UBE2H: variants seen among roughly 807,000 people sequenced by gnomAD.
UBE2H encodes ubiquitin conjugating enzyme E2 H.
UBE2H carries 3 observed loss-of-function variants against 29.0 expected under a neutral mutation model. That is an observed-to-expected ratio of 0.10 (90% CI 0.05 to 0.27). The LOEUF (loss-of-function observed/expected upper bound fraction) is 0.27. UBE2H is among the 10% of genes least tolerant of loss of function. UBE2H has a pLI of 1.00. For synonymous variants in UBE2H, 69 were observed against 82.9 expected, an observed-to-expected ratio of 0.83 and a Z score of 0.91; for missense variants, 68 against 228.2, an observed-to-expected ratio of 0.30 and a Z score of 4.52.
chr7:129,912,465 C>T (rs149336684), intron 1 of UBE2H, among the ~76,000 whole-genome samples: 59 of 152,280 alleles, frequency 3.9e-4, no homozygotes, highest in African/African-American at 1.4e-3. Context: ...ATCCTCCCAC[C>T]TCAGCCTCCC....
chr7:129,896,038 T>C (rs1806593631), intron 1 of UBE2H, among the ~76,000 whole-genome samples: 1 of 152,062 alleles, frequency 6.6e-6, no homozygotes, highest in Non-Finnish European at 1.5e-5. Context: ...AAGTTTCCAG[T>C]GTTCTTTGAA....
In UBE2H at chr7:129,894,548, C is replaced by A. The variant is rs1321865392; in HGVS notation, c.54-13577G>T. Among the ~76,000 whole-genome samples the A allele has an allele frequency of 2.1e-5, 3 of 142,172 alleles. No homozygotes were observed. In the East Asian group the frequency reaches 6.3e-4, roughly 30 times the overall value. 93.3% of individuals were successfully genotyped at this position (142,172 alleles called of 152,430 possible). A position where few individuals can be genotyped will look rare whatever the true frequency, so the allele number is the denominator to read the frequency against. The stretch of plus-strand genomic sequence containing the variant: ...TGTTGCCCAAGCTGGAGTGCAATGG[C>A]ATGATCTTGGCCCACTGCAACCTCC... On this transcript the variant is annotated intron_variant, in intron 1 of 6. Transcript: ENST00000355621.
chr7:129,918,185 A>C (rs927131872), intron 1 of UBE2H, among the ~76,000 whole-genome samples: 1 of 152,174 alleles, frequency 6.6e-6, no homozygotes, highest in Non-Finnish European at 1.5e-5. Context: ...GCAATCTCTC[A>C]TATCATCACC....
intron 1 of UBE2H, among the ~76,000 whole-genome samples, chr7:129,909,451 TC>T (rs1189778910): frequency 6.6e-6 from 1 of 152,170 alleles, no homozygotes; most frequent in Non-Finnish European, 1.5e-5. Flanking sequence ...AGGGGACGGT[TC>T]AGAGCCCCAG....
chr7:129,914,744 A>C (rs981477600), intron 1 of UBE2H, among the ~76,000 whole-genome samples: 1 of 152,222 alleles, frequency 6.6e-6, no homozygotes, highest in Non-Finnish European at 1.5e-5. Flanking sequence ...GGGAATTATC[A>C]GTACCATAAT....
chr7:129,837,317 C>A (rs1409409242), intron 6 of UBE2H, among the ~76,000 whole-genome samples: 1 of 152,080 alleles, frequency 6.6e-6, no homozygotes, highest in Non-Finnish European at 1.5e-5. Context: ...AAGTGAATGA[C>A]CACATTTAGG....
chr7:129,882,367 TACAAA>T (rs1488061413), intron 1 of UBE2H, among the ~76,000 whole-genome samples: 1 of 152,166 alleles, frequency 6.6e-6, no homozygotes, highest in Non-Finnish European at 1.5e-5. Flanking sequence ...ATACTGTTAA[TACAAA>T]ACAGAAACAT....
intron 3 of UBE2H, among the ~76,000 whole-genome samples, chr7:129,868,978 C>T (rs1805974464): frequency 6.6e-6 from 1 of 150,608 alleles, no homozygotes; most frequent in South Asian, 2.1e-4. Flanking sequence ...TTCTTGTTGC[C>T]CAGGCTGGAG....
chr7:129,853,597 A>G (rs1221439725), intron 5 of UBE2H, among the ~76,000 whole-genome samples: 1 of 152,240 alleles, frequency 6.6e-6, no homozygotes, highest in Non-Finnish European at 1.5e-5. Flanking sequence ...GTTAAATAAT[A>G]CAAAATTAAA....
intron 5 of UBE2H, among the ~76,000 whole-genome samples, chr7:129,844,594 A>C (rs1442635922): frequency 6.6e-6 from 1 of 152,176 alleles, no homozygotes; most frequent in Non-Finnish European, 1.5e-5. Flanking sequence ...GATACAGTTG[A>C]CCTAAACCTG....
At position 129,952,678 on chromosome 7, in the gene UBE2H, C is replaced by A; in HGVS notation, c.-123G>T. 8.6e-7 allele frequency: 1 copy of A among 1,159,078 alleles called. No homozygotes were observed. The highest frequency in any genetic ancestry group is 1.1e-6 in the Non-Finnish European group (1 of 877,392). The allele number at this position is 1,159,078 out of a possible 1,614,324, so 71.8% of individuals were successfully genotyped here. ...GGTGGCAACACCCCCGCGGTCCCGG[C>A]GGTCCCGTCAGCCGCCGCCGCCGCC... On this transcript the variant is annotated 5_prime_UTR_variant, in exon 1 of 7. Transcript: ENST00000355621.
At chr7:129,906,601 T>C (rs1806822836) in intron 1 of UBE2H, among the ~76,000 whole-genome samples, 1 of 152,210 alleles carries the variant, frequency 6.6e-6, no homozygotes, top group South Asian at 2.1e-4. Context: ...TAGGTTATCA[T>C]TTAATGTCTG....
intron 3 of UBE2H, 29 bp from the exon 4 acceptor site, chr7:129,858,970 A>G: frequency 6.3e-7 from 1 of 1,579,846 alleles, no homozygotes; most frequent in Non-Finnish European, 8.7e-7. Flanking sequence ...ATTAGCAGCA[A>G]AAAGTATCCA....
At chr7:129,861,836 C>A (rs1484555093) in intron 3 of UBE2H, among the ~76,000 whole-genome samples, 2 of 152,044 alleles carry the variant, frequency 1.3e-5, no homozygotes, top group East Asian at 3.9e-4. Flanking sequence ...TGCAGTGAGC[C>A]GAGATCATGC....
In UBE2H at chr7:129,952,467, C is replaced by CCA. The variant is rs774244614; in HGVS notation, c.53+34_53+35dup. On this transcript the variant is annotated intron_variant, in intron 1 of 6. Coordinates refer to ENST00000355621, the MANE Select transcript of UBE2H (RefSeq NM_003344.4). ...GCCCTGGGCATCCCCACACCGCCCC[C>CCA]CACACACAGCCCGAATTCCCCTCCA... is the stretch of plus-strand genomic sequence containing the variant. 7.4e-5 allele frequency: 119 copies of CCA among 1,607,712 alleles called. 2 individuals are homozygous for CCA. The highest frequency in any genetic ancestry group is 3.3e-4 in the Middle Eastern group (2 of 6,068).
intron 6 of UBE2H, 108 bp downstream of exon 6, chr7:129,839,099 C>T: frequency 6.7e-7 from 1 of 1,490,108 alleles, no homozygotes; most frequent in East Asian, 2.3e-5. Flanking sequence ...TCTTTTTAGG[C>T]CTAAGAAAAA....
intron 5 of UBE2H, among the ~76,000 whole-genome samples, chr7:129,843,480 A>G (rs1805462339): frequency 6.6e-6 from 1 of 152,106 alleles, no homozygotes; most frequent in Non-Finnish European, 1.5e-5. Flanking sequence ...AGGAACTCAA[A>G]CCTGAGCTCA....
intron 1 of UBE2H, among the ~76,000 whole-genome samples, chr7:129,929,325 A>G (rs925980994): frequency 3.9e-5 from 6 of 151,968 alleles, no homozygotes; most frequent in African/African-American, 1.4e-4. Flanking sequence ...CTCAAAAAAA[A>G]AAAAAAAAAG....
chr7:129,920,848 C>CAAAAAAAAA (rs11347186), intron 1 of UBE2H, among the ~76,000 whole-genome samples: 9 of 73,970 alleles, frequency 1.2e-4, no homozygotes, highest in East Asian at 4.8e-4. Context: ...TAGAAAAAGT[C>CAAAAAAAAA]AAAAAAAAAA....
Sources: gnomAD v4.1 joint callset for allele counts (sites outside exome capture counted in the v4.1 genomes callset) on GRCh38, gnomAD v4.1.1 for gene constraint, MANE v1.5 for transcripts, NCBI Gene and HGNC (gene_info 2026-07-23, HGNC 2026-07-21) for gene names.